The following TMCC1 variants were observed in gnomAD, a reference collection of about 807,000 sequenced individuals.
The protein encoded by TMCC1 is transmembrane and coiled-coil domain family 1, also known as transmembrane and coiled-coil domains protein 1.
In TMCC1, 15 loss-of-function variants were observed where a neutral mutation model predicts 52.4. The observed-to-expected ratio is 0.29, with a 90% CI of 0.19 to 0.44. The LOEUF (loss-of-function observed/expected upper bound fraction) is 0.44, where lower values mean the gene tolerates loss of function less well. Ranked by LOEUF, TMCC1 falls within the 20% of genes least tolerant of loss-of-function variation. TMCC1 has a pLI of 1.00. For missense variants in TMCC1, 503 were observed against 806.0 expected (o/e 0.62, Z 4.55); for synonymous variants, 279 against 301.9 (o/e 0.92, Z 0.79).
At chr3:129,776,307 T>G (rs953700940) in intron 4 of TMCC1, among the ~76,000 whole-genome samples, 3 of 152,220 alleles carry the variant, frequency 2.0e-5, no homozygotes, top group African/African-American at 7.2e-5. Context: ...ATAGAGTTGG[T>G]TTTCAATAAA....
Position 129,804,340 on chromosome 3 carries a change from C to T in TMCC1, c.576+23463G>A, listed in dbSNP as rs187267106. ...TATAACATAGCTACATTTTTTTGTG[C>T]TATTCTTTGAGTGGTTACCCTGCAA... On this transcript the variant is annotated intron_variant, in intron 4 of 6. Transcript: ENST00000393238. 2.4e-3 allele frequency among the ~76,000 whole-genome samples: 366 copies of T among 152,212 alleles called. 1 individual carries two copies. The highest frequency in any genetic ancestry group is 4.1e-3 in the Non-Finnish European group (279 of 67,970).
At chr3:129,775,407 C>T (rs2054955544) in intron 4 of TMCC1, among the ~76,000 whole-genome samples, 1 of 152,000 alleles carries the variant, frequency 6.6e-6, no homozygotes, top group Non-Finnish European at 1.5e-5. Flanking sequence ...TTCAAGGCTG[C>T]AGTGAGCTAT....
chr3:129,651,849 T>C lies in TMCC1; in HGVS notation c.1648-54A>G, dbSNP rs1051897769. The C allele has an allele frequency of 2.6e-6, 4 of 1,555,030 alleles. No homozygotes were observed. The South Asian group carries it at 4.8e-5, about 19-fold the overall frequency. On this transcript the variant is annotated intron_variant, in intron 6 of 6. Transcript: ENST00000393238. The surrounding 1 kb of genome is among the most constrained non-coding windows in gnomAD (Gnocchi z 5.1). ...CCTTCTGCTCACAAGTATTCTGAGA[T>C]GCTGACATGCCCCCTGGGCAAGCCA...
intron 4 of TMCC1, among the ~76,000 whole-genome samples, chr3:129,784,632 G>A (rs1697869941): frequency 6.6e-6 from 1 of 151,382 alleles, no homozygotes; most frequent in Non-Finnish European, 1.5e-5. Flanking sequence ...GGGGGGTGGG[G>A]AGAAGAGTGT....
At position 129,810,311 on chromosome 3, in the gene TMCC1, T is replaced by C. The variant is rs562712728; in HGVS notation, c.576+17492A>G. On this transcript the variant is annotated intron_variant, in intron 4 of 6. Transcript: ENST00000393238. ...AGGCAGGGGTTGCAGTGAGCCAAGA[T>C]TGCACCACTGGGCAACAGAGTGAGA... Among the ~76,000 whole-genome samples, 18 of 151,860 alleles carry C rather than the reference T, an allele frequency of 1.2e-4. No individual in the cohort carries two copies. The South Asian group carries it at 1.5e-3, about 12-fold the overall frequency.
At chr3:129,695,125 A>AAT (rs1560207345) in intron 4 of TMCC1, among the ~76,000 whole-genome samples, 6 of 72,620 alleles carry the variant, frequency 8.3e-5, no homozygotes, top group African/African-American at 2.3e-4. Context: ...AAAAAAAAAA[A>AAT]ATCATAATTA....
At chr3:129,801,826 A>G (rs184363765) in intron 4 of TMCC1, among the ~76,000 whole-genome samples, 1 of 152,356 alleles carries the variant, frequency 6.6e-6, no homozygotes, top group African/African-American at 2.4e-5. Flanking sequence ...CATTTTCTAT[A>G]GAAGTAAGAT....
chr3:129,846,522 C>T (rs933178774), intron 2 of TMCC1, among the ~76,000 whole-genome samples: 1 of 152,046 alleles, frequency 6.6e-6, no homozygotes, highest in African/African-American at 2.4e-5. Flanking sequence ...CTTTCTTGTG[C>T]TTCTATTTTA....
intron 3 of TMCC1, among the ~76,000 whole-genome samples, chr3:129,831,287 A>C (rs2058900867): frequency 6.6e-6 from 1 of 152,184 alleles, no homozygotes. Flanking sequence ...AGGAAATGTT[A>C]GCATTTCCTG....
At chr3:129,763,318 G>A (rs187971351) in intron 4 of TMCC1, among the ~76,000 whole-genome samples, 156 of 149,274 alleles carry the variant, frequency 1.0e-3, no homozygotes, top group African/African-American at 3.4e-3. Flanking sequence ...CGAAGGGGAC[G>A]GATCACTTGA....
At chr3:129,786,628 C>T (rs1313564546) in intron 4 of TMCC1, among the ~76,000 whole-genome samples, 1 of 152,142 alleles carries the variant, frequency 6.6e-6, no homozygotes, top group Admixed American at 6.6e-5. Context: ...ATTTATTCAC[C>T]ATTAATTTCA....
At chr3:129,772,800 T>C (rs1045515355) in intron 4 of TMCC1, among the ~76,000 whole-genome samples, 7 of 150,496 alleles carry the variant, frequency 4.7e-5, no homozygotes, top group African/African-American at 1.7e-4. Context: ...ATACTAGACA[T>C]TGCTCACAAT....
intron 4 of TMCC1, among the ~76,000 whole-genome samples, chr3:129,759,495 T>C (rs1470231339): frequency 1.3e-5 from 2 of 151,634 alleles, no homozygotes; most frequent in Admixed American, 1.3e-4. Context: ...CTCGAACTCC[T>C]TACCTCAGAT....
chr3:129,789,443 A>G (rs2056292144), intron 4 of TMCC1, among the ~76,000 whole-genome samples: 1 of 152,226 alleles, frequency 6.6e-6, no homozygotes, highest in South Asian at 2.1e-4. Flanking sequence ...GAAAAAAACA[A>G]CAGGTTTTAT....
chr3:129,773,929 A>G (rs1435324533), intron 4 of TMCC1, among the ~76,000 whole-genome samples: 1 of 152,192 alleles, frequency 6.6e-6, no homozygotes, highest in Admixed American at 6.5e-5. Flanking sequence ...GGCAATAGAG[A>G]TACACTATCT....
chr3:129,760,486 GTGTGTGTGTT>G (rs1273290010), intron 4 of TMCC1, among the ~76,000 whole-genome samples: 1 of 141,360 alleles, frequency 7.1e-6, no homozygotes, highest in Non-Finnish European at 1.5e-5. Flanking sequence ...GTGTGTGTGT[GTGTGTGTGTT>G]TTTGAGACAG....
rs530400826 is a variant in TMCC1 at position 129,760,909 on chromosome 3, G to A, written c.576+66894C>T. On this transcript the variant is annotated intron_variant, in intron 4 of 6. Coordinates refer to ENST00000393238, the MANE Select transcript of TMCC1 (RefSeq NM_001017395.5). ...TTACAGGTGTGAGCCACTGCACCCA[G>A]CCCACGTTACTATTTACTAAATTCA... is the stretch of plus-strand genomic sequence containing the variant. Among the ~76,000 whole-genome samples, 3 of 152,126 alleles carry A rather than the reference G, an allele frequency of 2.0e-5. No individual in the cohort carries two copies. The East Asian group carries it at 5.9e-4, about 30-fold the overall frequency.
intron 4 of TMCC1, among the ~76,000 whole-genome samples, chr3:129,738,290 A>AAG (rs372589561): frequency 3.4e-5 from 5 of 149,064 alleles, no homozygotes; most frequent in Non-Finnish European, 7.5e-5. Context: ...AAAAAAAAAA[A>AAG]GAGAAGAAGA....
At chr3:129,729,517 A>G (rs2050377756) in intron 4 of TMCC1, among the ~76,000 whole-genome samples, 1 of 152,184 alleles carries the variant, frequency 6.6e-6, no homozygotes, top group African/African-American at 2.4e-5. Flanking sequence ...TTTTGTCTCA[A>G]TAAATGAACT....
Sources: gnomAD v4.1 joint callset for allele counts (sites outside exome capture counted in the v4.1 genomes callset) on GRCh38, gnomAD v4.1.1 for gene constraint, Gnocchi (gnomAD v3.1) non-coding constraint, MANE v1.5 for transcripts, NCBI Gene and HGNC (gene_info 2026-07-23, HGNC 2026-07-21) for gene names.